The following NBEAL1 variants were observed in gnomAD, a reference collection of about 807,000 sequenced individuals.
NBEAL1 encodes the protein neurobeachin like 1, also known as neurobeachin-like protein 1.
Under a neutral mutation model 351.3 loss-of-function variants are expected in NBEAL1, and 273 were observed. The observed-to-expected ratio is 0.78, with a 90% confidence interval of 0.70 to 0.86. The LOEUF (loss-of-function observed/expected upper bound fraction) is 0.86. NBEAL1 is among the 40% of genes least tolerant of loss of function. The pLI, the probability that NBEAL1 is intolerant of heterozygous loss-of-function variation, is 0.00. For synonymous variants in NBEAL1, 1,050 were observed against 1,086.4 expected (o/e 0.97, Z 0.66); for missense variants, 2,961 against 3,201.3 (o/e 0.92, Z 1.81).
At chr2:203,193,343 A>T (rs1264267124) in intron 46 of NBEAL1, among the ~76,000 whole-genome samples, 2 of 152,136 alleles carry the variant, frequency 1.3e-5, no homozygotes, top group Non-Finnish European at 1.5e-5. Flanking sequence ...TTTGAATACT[A>T]CATTTAATTT....
chr2:203,180,554 T>C, intron 43 of NBEAL1, 42 bp downstream of exon 43: 1 of 1,542,532 alleles, frequency 6.5e-7, no homozygotes. Context: ...CAGGTCCCAA[T>C]GGAGGAGCCT....
At chr2:203,073,835 G>A (rs1270278515) in intron 7 of NBEAL1, among the ~76,000 whole-genome samples, 2 of 151,346 alleles carry the variant, frequency 1.3e-5, no homozygotes, top group Non-Finnish European at 2.9e-5. Context: ...TCTTTATTTC[G>A]ACCTTCTTTT....
chr2:203,127,964 T>G, intron 24 of NBEAL1, 27 bp downstream of exon 24: 1 of 1,523,358 alleles, frequency 6.6e-7, no homozygotes, highest in Non-Finnish European at 8.9e-7. Context: ...ACATCTACTT[T>G]TCCTTTTTAA....
At position 203,190,696 on chromosome 2, in the gene NBEAL1, C is replaced by T. The variant is rs921780237; in HGVS notation, c.6921+307C>T. 53 of 1,537,138 alleles carry T rather than the reference C, an allele frequency of 3.4e-5. 1 individual carries two copies. In the South Asian group the frequency reaches 3.7e-4, roughly 11 times the overall value. On this transcript the variant is annotated intron_variant, in intron 46 of 55. Transcript: ENST00000683969. ...CCAGTCTTAAGAATCAAATTGCTCT[C>T]GGCTTTCGGCTCGGAGGAGGCCAAG...
Position 203,217,448 on chromosome 2 carries a change from CT to C in NBEAL1, c.*98del, listed in dbSNP as rs1214414815. 7.4e-7 allele frequency: 1 copy of C among 1,349,950 alleles called. No individual in the cohort carries two copies. The allele number at this position is 1,349,950 out of a possible 1,614,324, so 83.6% of individuals were successfully genotyped here. On this transcript the variant is annotated 3_prime_UTR_variant, in exon 56 of 56. Transcript: ENST00000683969. ...CTCAACTCTCTGCAATGTTGCAAGG[CT>C]TTTATCCCTGAAAATCATTTACAGA...
At chr2:203,131,542 A>G in intron 25 of NBEAL1, among the ~76,000 whole-genome samples, 1 of 152,150 alleles carries the variant, frequency 6.6e-6, no homozygotes, top group East Asian at 1.9e-4. Context: ...CCATTTTTAC[A>G]TTATACTATA....
chr2:203,093,330 T>C (rs1424411248), intron 10 of NBEAL1, among the ~76,000 whole-genome samples: 1 of 151,812 alleles, frequency 6.6e-6, no homozygotes, highest in South Asian at 2.1e-4. Context: ...TTGGTTTTTC[T>C]TCAGTATATG....
At chr2:203,022,174 A>T (rs1274558509) in intron 2 of NBEAL1, among the ~76,000 whole-genome samples, 1 of 152,190 alleles carries the variant, frequency 6.6e-6, no homozygotes, top group Admixed American at 6.5e-5. Context: ...GGAGTGCTGC[A>T]GTTAGTTGGT....
chr2:203,114,087 G>A (rs2062635686), intron 17 of NBEAL1, among the ~76,000 whole-genome samples: 1 of 152,062 alleles, frequency 6.6e-6, no homozygotes, highest in African/African-American at 2.4e-5. Flanking sequence ...CTCCCAAAGT[G>A]CTGGGATTAC....
At chr2:203,187,334 A>C (rs1171114153) in intron 44 of NBEAL1, among the ~76,000 whole-genome samples, 1 of 147,386 alleles carries the variant, frequency 6.8e-6, no homozygotes, top group Non-Finnish European at 1.5e-5. Flanking sequence ...CTGGGGTAAC[A>C]GACATGAGCC....
Position 203,206,609 on chromosome 2 carries a change from C to T in NBEAL1, c.7507-2028C>T, listed in dbSNP as rs866448325. On this transcript the variant is annotated intron_variant, in intron 51 of 55. Coordinates refer to ENST00000683969, the MANE Select transcript of NBEAL1 (RefSeq NM_001378026.1). ...TTTCGTATTTTTTGGGTGGAGAACA[C>T]GGGGTTTCGCTGTGTTGGCCGGGCT... 9.1e-3 allele frequency among the ~76,000 whole-genome samples: 1,223 copies of T among 134,966 alleles called. 4 individuals carry two copies. Among genetic ancestry groups the T allele is most frequent in the Middle Eastern group, 0.03 (8 of 264 alleles). The allele number at this position is 134,966 out of a possible 152,430, so 88.5% of individuals were successfully genotyped here. A position where few individuals can be genotyped will look rare whatever the true frequency, so the allele number is the denominator to read the frequency against.
intron 2 of NBEAL1, among the ~76,000 whole-genome samples, chr2:203,027,875 C>T (rs1574863450): frequency 6.6e-6 from 1 of 151,910 alleles, no homozygotes; most frequent in East Asian, 1.9e-4. Context: ...CCACACCTGG[C>T]TATTTTCTGA....
At chr2:203,213,226 A>G (rs758330798) in intron 54 of NBEAL1, among the ~76,000 whole-genome samples, 3 of 152,252 alleles carry the variant, frequency 2.0e-5, no homozygotes, top group Non-Finnish European at 4.4e-5. Flanking sequence ...TAGGAAGTCA[A>G]AATTCTTATA....
At chr2:203,125,786 A>T (rs2062923684) in intron 20 of NBEAL1, among the ~76,000 whole-genome samples, 174 bp from the exon 21 acceptor site, 1 of 152,162 alleles carries the variant, frequency 6.6e-6, no homozygotes, top group Non-Finnish European at 1.5e-5. Flanking sequence ...TGTGCACATA[A>T]ATATACAATA....
At chr2:203,130,644 A>T (rs1415525256) in intron 25 of NBEAL1, among the ~76,000 whole-genome samples, 168 bp downstream of exon 25, 1 of 152,180 alleles carries the variant, frequency 6.6e-6, no homozygotes, top group Non-Finnish European at 1.5e-5. Context: ...TGCATATTAA[A>T]AAACTAATTA....
At chr2:203,137,855 A>G (rs1395934751) in intron 29 of NBEAL1, among the ~76,000 whole-genome samples, 3 of 152,004 alleles carry the variant, frequency 2.0e-5, no homozygotes, top group Non-Finnish European at 4.4e-5. Context: ...ATGGTGGTGC[A>G]TGCCTGTAAT....
At position 203,222,985 on chromosome 2, in the gene NBEAL1, G is replaced by C. The variant is rs1293558959; in HGVS notation, c.*5631G>C. Among the ~76,000 whole-genome samples, 1 of 152,132 alleles carries C rather than the reference G, an allele frequency of 6.6e-6. No individual in the cohort carries two copies. Among genetic ancestry groups the C allele is most frequent in the Non-Finnish European group, 1.5e-5 (1 of 67,998 alleles). ...TGTTAAGAAATGTAAGGCCATCCTA[G>C]AGTATAGGAGTTACGTGATTTTCTT... is the stretch of plus-strand genomic sequence containing the variant. On this transcript the variant is annotated 3_prime_UTR_variant, in exon 56 of 56. Transcript: ENST00000683969.
chr2:203,136,689 A>G lies in NBEAL1; in HGVS notation c.4480A>G (p.Ile1494Val). 6.2e-7 allele frequency: 1 copy of G among 1,613,634 alleles called. No homozygotes were observed. The highest frequency in any genetic ancestry group is 8.5e-7 in the Non-Finnish European group (1 of 1,179,618). Reference sequence around the variant, plus strand: ...AGAAAAGTCTGATGATGATACTTGGATTGAACGAGGACAAGTGTTTTCAGC... The same window carrying G: ...AGAAAAGTCTGATGATGATACTTGGGTTGAACGAGGACAAGTGTTTTCAGC... ...GLEKSDDDTW[I>V]ERGQVFSALS... Residue 1494 changes from isoleucine to valine, a missense_variant, in exon 29 of 56, where the codon ATT becomes GTT. Transcript: ENST00000683969.
Position 203,209,301 on chromosome 2 carries a change from T to C in NBEAL1, c.7764T>C (p.Thr2588=), listed in dbSNP as rs778840638. The change falls in exon 53 of 56, where the codon ACT becomes ACC. Residue 2588 remains threonine (T), a synonymous_variant. Transcript: ENST00000683969. ...GACATATTGTTGTCTACTCCAGCAC[T>C]GAAGAAAAGACCACCCTCAAGGTAT... ...WEGHIVVYSS[T]EEKTTLKDKN... 2.5e-6 allele frequency: 4 copies of C among 1,613,662 alleles called. No individual in the cohort carries two copies. In the African/African-American group the frequency reaches 4.0e-5, roughly 16 times the overall value.
Sources: allele counts gnomAD v4.1 joint callset (sites outside exome capture counted in the v4.1 genomes callset), GRCh38; gene constraint gnomAD v4.1.1; transcripts MANE v1.5; gene names NCBI Gene and HGNC (gene_info 2026-07-23, HGNC 2026-07-21).